SLC5A4: variants seen among roughly 807,000 people sequenced by gnomAD.
The protein encoded by SLC5A4 is solute carrier family 5 member 4, also known as probable glucose sensor protein SLC5A4.
SLC5A4 carries 55 observed loss-of-function variants against 70.3 expected under a neutral mutation model. The ratio of observed to expected loss-of-function variants is 0.78; its 90% confidence interval spans 0.63 to 0.98. The LOEUF (loss-of-function observed/expected upper bound fraction) is 0.98, where lower values mean the gene tolerates loss of function less well. Among genes scored for constraint, SLC5A4 ranks in the 50% least tolerant of loss-of-function variants. SLC5A4 has a pLI of 0.00. For missense variants in SLC5A4, 735 were observed against 839.2 expected (o/e 0.88, Z 1.53); for synonymous variants, 268 against 305.7 (o/e 0.88, Z 1.29).
At chr22:32,269,834 T>C in the SLC5A4 span, 20 of 650,898 alleles carry the variant, frequency 3.1e-5, no homozygotes, top group South Asian at 2.6e-4. This position sits in a 1 kb window ranked among gnomAD's most constrained non-coding sequence, Gnocchi z 4.1. Context: ...TCAAGGGCAG[T>C]CAGATCTACA....
chr22:32,324,760 T>C, the SLC5A4 span, among the ~76,000 whole-genome samples: 3 of 152,172 alleles, frequency 2.0e-5, no homozygotes, highest in Admixed American at 6.5e-5. Flanking sequence ...CTCTGGGCCT[T>C]AGGCACCCAC....
the SLC5A4 span, among the ~76,000 whole-genome samples, chr22:32,305,767 C>T: frequency 1.3e-5 from 2 of 151,366 alleles, no homozygotes; most frequent in Non-Finnish European, 2.9e-5. Flanking sequence ...AGATGAGAAA[C>T]AAGAGGCACA....
chr22:32,277,691 G>A, the SLC5A4 span, among the ~76,000 whole-genome samples: 1 of 152,060 alleles, frequency 6.6e-6, no homozygotes, highest in African/African-American at 2.4e-5. Flanking sequence ...GGGACTACAG[G>A]TGCCCGCCAC....
chr22:32,241,233 G>C (rs1181244427), intron 5 of SLC5A4, among the ~76,000 whole-genome samples: 1 of 152,226 alleles, frequency 6.6e-6, no homozygotes, highest in African/African-American at 2.4e-5. Flanking sequence ...CATAAAATAA[G>C]TTTTGCTTTA....
At chr22:32,227,384 T>C (rs1372595118) in intron 11 of SLC5A4, among the ~76,000 whole-genome samples, 1 of 152,204 alleles carries the variant, frequency 6.6e-6, no homozygotes, top group African/African-American at 2.4e-5. Flanking sequence ...TCCTACAGCA[T>C]TTGTCCAGAG....
At chr22:32,330,951 GGT>G in the SLC5A4 span, among the ~76,000 whole-genome samples, 92 of 55,788 alleles carry the variant, frequency 1.6e-3, no homozygotes, top group South Asian at 2.7e-3. Flanking sequence ...TGGAGGCTCT[GGT>G]GTGTGTGTGT....
At chr22:32,247,681 C>T (rs1318092879) in intron 4 of SLC5A4, among the ~76,000 whole-genome samples, 166 bp from the exon 5 acceptor site, 1 of 152,214 alleles carries the variant, frequency 6.6e-6, no homozygotes, top group African/African-American at 2.4e-5. Flanking sequence ...ATGCCATGCA[C>T]AGTGACTGGC....
At chr22:32,232,464 A>C (rs2062128508) in intron 9 of SLC5A4, among the ~76,000 whole-genome samples, 1 of 152,114 alleles carries the variant, frequency 6.6e-6, no homozygotes, top group Non-Finnish European at 1.5e-5. Context: ...TCCTCAAACA[A>C]CCTGATTCCA....
At chr22:32,331,767 C>T in the SLC5A4 span, among the ~76,000 whole-genome samples, 13 of 152,174 alleles carry the variant, frequency 8.5e-5, no homozygotes, top group East Asian at 3.9e-4. Context: ...AGCCCACATC[C>T]GAGGCCAGAT....
the SLC5A4 span, among the ~76,000 whole-genome samples, chr22:32,309,102 G>C: frequency 2.2e-4 from 33 of 148,198 alleles, 2 homozygotes; most frequent in South Asian, 6.7e-3. Flanking sequence ...GGGTACAGGT[G>C]AGGTGGGTGA....
At chr22:32,329,978 G>A in the SLC5A4 span, among the ~76,000 whole-genome samples, 6 of 25,606 alleles carry the variant, frequency 2.3e-4, no homozygotes, top group African/African-American at 8.0e-4. Flanking sequence ...GCTCTGGTGT[G>A]TGTGTTGGGG....
chr22:32,277,534 C>T, the SLC5A4 span, among the ~76,000 whole-genome samples: 11 of 152,064 alleles, frequency 7.2e-5, no homozygotes, highest in African/African-American at 2.2e-4. Flanking sequence ...CATAGATTTC[C>T]GGTTTTATGT....
intron 9 of SLC5A4, among the ~76,000 whole-genome samples, chr22:32,232,264 C>A (rs78335429): frequency 6.6e-6 from 1 of 152,092 alleles, no homozygotes; most frequent in African/African-American, 2.4e-5. Context: ...AACTGATGCC[C>A]AGTTGAGAAA....
At chr22:32,304,753 T>G in the SLC5A4 span, among the ~76,000 whole-genome samples, 1 of 152,330 alleles carries the variant, frequency 6.6e-6, no homozygotes, top group East Asian at 1.9e-4. Context: ...ACTTATCAAT[T>G]CTCTCTTTCA....
chr22:32,331,189 G>A, the SLC5A4 span, among the ~76,000 whole-genome samples: 1 of 126,990 alleles, frequency 7.9e-6, no homozygotes, highest in Non-Finnish European at 1.6e-5. Flanking sequence ...GTATGTGTTG[G>A]GGGCTCTGGT....
the SLC5A4 span, among the ~76,000 whole-genome samples, chr22:32,287,907 A>G: frequency 6.6e-6 from 1 of 151,164 alleles, no homozygotes; most frequent in Admixed American, 6.6e-5. Context: ...GTATAGGAGG[A>G]AAGGAATATG....
At chr22:32,354,590 T>C in the SLC5A4 span, among the ~76,000 whole-genome samples, 1 of 151,650 alleles carries the variant, frequency 6.6e-6, no homozygotes, top group African/African-American at 2.4e-5. Context: ...CCCCAGATAG[T>C]GCCCCCAGAA....
chr22:32,238,953 G>T, intron 6 of SLC5A4, 32 bp downstream of exon 6: 3 of 1,490,386 alleles, frequency 2.0e-6, no homozygotes, highest in Non-Finnish European at 2.8e-6. Context: ...GCAAAAGATA[G>T]CCTGAGTGAG....
At chr22:32,239,549 TATA>T (rs1170162428) in intron 5 of SLC5A4, among the ~76,000 whole-genome samples, 1 of 13,914 alleles carries the variant, frequency 7.2e-5, no homozygotes, top group Admixed American at 8.4e-4. Flanking sequence ...TATATATATA[TATA>T]TATATATATA....
Sources: allele counts gnomAD v4.1 joint callset (sites outside exome capture counted in the v4.1 genomes callset), GRCh38; gene constraint gnomAD v4.1.1; non-coding constraint Gnocchi (gnomAD v3.1); transcripts MANE v1.5; gene names NCBI Gene and HGNC (gene_info 2026-07-23, HGNC 2026-07-21).